Variants in PTGFRN observed in about 807,000 individuals in gnomAD.
PTGFRN encodes the protein prostaglandin F2 receptor negative regulator.
In PTGFRN, 35 loss-of-function variants were observed where a neutral mutation model predicts 83.2. The observed-to-expected ratio is 0.42, with a 90% CI of 0.32 to 0.56. The LOEUF (loss-of-function observed/expected upper bound fraction) is 0.56, where lower values mean the gene tolerates loss of function less well. Ranked by LOEUF, PTGFRN falls within the 20% of genes least tolerant of loss-of-function variation. The pLI is 0.11. For missense variants in PTGFRN, 1,051 were observed against 1,179.5 expected (o/e 0.89, Z 1.60); for synonymous variants, 519 against 498.6 (o/e 1.04, Z -0.55).
At chr1:116,924,961 G>A (rs935308803) in intron 1 of PTGFRN, among the ~76,000 whole-genome samples, 9 of 152,158 alleles carry the variant, frequency 5.9e-5, no homozygotes, top group Non-Finnish European at 1.3e-4. Flanking sequence ...AAGCAGACCC[G>A]CAGTGGGCAC....
chr1:116,928,922 CTGTG>C (rs1032709210), intron 1 of PTGFRN, among the ~76,000 whole-genome samples: 2 of 152,278 alleles, frequency 1.3e-5, no homozygotes, highest in East Asian at 3.9e-4. Context: ...TTTAAATACT[CTGTG>C]TGTGCTGATG....
chr1:116,963,116 C>T (rs75394861), intron 5 of PTGFRN, among the ~76,000 whole-genome samples: 2,934 of 152,300 alleles, frequency 0.019, 97 homozygotes, highest in African/African-American at 0.067. Context: ...AGCCTCCCTA[C>T]CTGTGCCCAC....
chr1:116,918,476 A>G lies in PTGFRN; in HGVS notation c.49+8224A>G, dbSNP rs140320386. ...ACCAGCATTGGCAGCACCTGGGGGA[A>G]TCTCAGGTCCAAACTTGTGAATCAA... On this transcript the variant is annotated intron_variant, in intron 1 of 8. Transcript: ENST00000393203. The surrounding 1 kb of genome is among the most constrained non-coding windows in gnomAD (Gnocchi z 4.1). Among the ~76,000 whole-genome samples, 1,257 of 152,330 alleles carry G rather than the reference A, an allele frequency of 8.3e-3. 25 individuals are homozygous for G. Among genetic ancestry groups the G allele is most frequent in the African/African-American group, 0.029 (1,214 of 41,588 alleles).
At chr1:116,981,513 T>G (rs1204447544) in intron 7 of PTGFRN, among the ~76,000 whole-genome samples, 1 of 152,126 alleles carries the variant, frequency 6.6e-6, no homozygotes, top group Non-Finnish European at 1.5e-5. Context: ...TGGCCTGCAG[T>G]GAATCCAGTG....
rs775042322 is a variant in PTGFRN at position 116,941,183 on chromosome 1, A to C, written c.50-532A>C. 1.9e-4 allele frequency among the ~76,000 whole-genome samples: 29 copies of C among 152,344 alleles called. No individual in the cohort carries two copies. The highest frequency in any genetic ancestry group is 3.4e-4 in the Non-Finnish European group (23 of 68,026). The stretch of plus-strand genomic sequence containing the variant: ...GTAAAATCATCATATTTTAAAATTA[A>C]TTTATAGGCAATGTCAGATAACAGG... On this transcript the variant is annotated intron_variant, in intron 1 of 8. Coordinates refer to ENST00000393203, the MANE Select transcript of PTGFRN (RefSeq NM_020440.4). The surrounding 1 kb of genome is among the most constrained non-coding windows in gnomAD (Gnocchi z 5.0).
intron 3 of PTGFRN, among the ~76,000 whole-genome samples, chr1:116,948,713 A>G (rs1031644620): frequency 6.6e-6 from 1 of 152,246 alleles, no homozygotes; most frequent in African/African-American, 2.4e-5. Context: ...TGGAGAATGT[A>G]TAATTTTAGT....
At chr1:116,957,723 T>C (rs1035852967) in intron 4 of PTGFRN, among the ~76,000 whole-genome samples, 8 of 152,174 alleles carry the variant, frequency 5.3e-5, no homozygotes, top group Non-Finnish European at 1.0e-4. Context: ...CTGGAACTTA[T>C]TCCTCCAGTC....
chr1:116,962,871 G>A (rs925047681), intron 5 of PTGFRN, among the ~76,000 whole-genome samples: 2 of 152,178 alleles, frequency 1.3e-5, no homozygotes, highest in African/African-American at 4.8e-5. Context: ...TCACTAGGGT[G>A]CCCATTTGTA....
chr1:116,934,973 T>C (rs1481609481), intron 1 of PTGFRN, among the ~76,000 whole-genome samples: 1 of 152,228 alleles, frequency 6.6e-6, no homozygotes, highest in Non-Finnish European at 1.5e-5. Flanking sequence ...ATCTGAGTGT[T>C]TACCACCTTC....
chr1:116,951,880 G>A (rs577340813), intron 4 of PTGFRN, among the ~76,000 whole-genome samples: 6 of 152,184 alleles, frequency 3.9e-5, no homozygotes, highest in African/African-American at 1.4e-4. Context: ...ATATGCGTAC[G>A]GATACCATAC....
intron 1 of PTGFRN, among the ~76,000 whole-genome samples, chr1:116,939,041 C>T (rs951656534): frequency 6.6e-6 from 1 of 152,226 alleles, no homozygotes; most frequent in Non-Finnish European, 1.5e-5. Context: ...GCAGGCTCCG[C>T]CCCTGAGGCT....
chr1:116,924,532 G>A (rs576044278), intron 1 of PTGFRN, among the ~76,000 whole-genome samples: 1 of 152,254 alleles, frequency 6.6e-6, no homozygotes, highest in South Asian at 2.1e-4. Flanking sequence ...GTTTTTACTA[G>A]CCCCAAAGAA....
chr1:116,929,942 C>T (rs1649753207), intron 1 of PTGFRN, among the ~76,000 whole-genome samples: 1 of 152,216 alleles, frequency 6.6e-6, no homozygotes, highest in South Asian at 2.1e-4. Flanking sequence ...CCATACCCGT[C>T]ATTGAAAATG....
At position 116,915,642 on chromosome 1, in the gene PTGFRN, C is replaced by G. The variant is rs907617764; in HGVS notation, c.49+5390C>G. On this transcript the variant is annotated intron_variant, in intron 1 of 8. Transcript: ENST00000393203. ...CATTTATGTGGCTGTTTTGTTTTAG[C>G]GATGAGCTGCTGAGCTGATTTTCCC... Among the ~76,000 whole-genome samples the G allele has an allele frequency of 2.6e-5, 4 of 152,282 alleles. No homozygotes were observed. In the South Asian group the frequency reaches 8.3e-4, roughly 32 times the overall value.
intron 4 of PTGFRN, among the ~76,000 whole-genome samples, chr1:116,953,991 T>C (rs1650418836): frequency 6.6e-6 from 1 of 151,934 alleles, no homozygotes; most frequent in South Asian, 2.1e-4. Context: ...TAGCTGGGAC[T>C]ACAGGGCGCC....
intron 1 of PTGFRN, among the ~76,000 whole-genome samples, chr1:116,919,377 T>C (rs1181031771): frequency 2.6e-5 from 4 of 152,194 alleles, no homozygotes; most frequent in Admixed American, 2.0e-4. Flanking sequence ...GCATTTATTT[T>C]GTGCCAGGCA....
At chr1:116,938,997 C>T (rs963804868) in intron 1 of PTGFRN, among the ~76,000 whole-genome samples, 6 of 152,256 alleles carry the variant, frequency 3.9e-5, no homozygotes, top group African/African-American at 1.2e-4. Flanking sequence ...ATCCAGGTCA[C>T]GCTAATGCAA....
Position 116,961,659 on chromosome 1 carries a change from G to C in PTGFRN, c.1630G>C (p.Ala544Pro). 1 of 1,600,904 alleles carries C rather than the reference G, an allele frequency of 6.2e-7. No homozygotes were observed. Reference protein sequence around the residue: ...VFSKPVNIFWALEDSVLVVKA... With the variant: ...VFSKPVNIFWPLEDSVLVVKA... ...CTCCAAGCCTGTTAACATATTTTGGGCATTAGAAGGTAGGAACTTTTTTCT... is the reference window on the plus strand; with the variant it reads ...CTCCAAGCCTGTTAACATATTTTGGCCATTAGAAGGTAGGAACTTTTTTCT... The change falls in exon 5 of 9, where the codon GCA (alanine) becomes CCA (proline). Residue 544 changes from alanine (A) to proline (P), a missense_variant. Transcript: ENST00000393203. This position sits in a 1 kb window ranked among gnomAD's most constrained non-coding sequence, Gnocchi z 5.4.
At chr1:116,914,588 C>A (rs548962009) in intron 1 of PTGFRN, among the ~76,000 whole-genome samples, 1 of 152,140 alleles carries the variant, frequency 6.6e-6, no homozygotes, top group Non-Finnish European at 1.5e-5. Context: ...CCCATCTCTA[C>A]TAAAAAATAA....
Sources: gnomAD v4.1 joint callset for allele counts (sites outside exome capture counted in the v4.1 genomes callset) on GRCh38, gnomAD v4.1.1 for gene constraint, Gnocchi (gnomAD v3.1) non-coding constraint, MANE v1.5 for transcripts, NCBI Gene and HGNC (gene_info 2026-07-23, HGNC 2026-07-21) for gene names.